The following CDC14A variants were observed in gnomAD, a reference collection of about 807,000 sequenced individuals.
The protein encoded by CDC14A is cell division cycle 14A, also known as dual specificity protein phosphatase CDC14A.
Under a neutral mutation model 74.4 loss-of-function variants are expected in CDC14A, and 53 were observed. The ratio of observed to expected loss-of-function variants is 0.71; its 90% CI spans 0.57 to 0.89. The LOEUF (loss-of-function observed/expected upper bound fraction) is 0.89. Among genes scored for constraint, CDC14A ranks in the 40% least tolerant of loss-of-function variants. The probability of loss-of-function intolerance (pLI) is 0.00; values close to 1 mark genes in which losing one functional copy is unlikely to be tolerated. For synonymous variants in CDC14A, 247 were observed against 258.4 expected (o/e 0.96, Z 0.43); for missense variants, 646 against 713.7 (o/e 0.91, Z 1.08).
At chr1:100,467,693 C>A (rs1667988693) in intron 9 of CDC14A, among the ~76,000 whole-genome samples, 1 of 152,192 alleles carries the variant, frequency 6.6e-6, no homozygotes, top group African/African-American at 2.4e-5. Context: ...GGCTTTTCCA[C>A]TCCAGCCAGT....
intron 4 of CDC14A, among the ~76,000 whole-genome samples, chr1:100,416,207 G>A (rs1168399936): frequency 1.3e-5 from 2 of 152,136 alleles, no homozygotes; most frequent in African/African-American, 4.8e-5. Flanking sequence ...GACTTGTGTG[G>A]TTCATTCTTT....
At chr1:100,493,138 T>G (rs1433752086) in intron 11 of CDC14A, among the ~76,000 whole-genome samples, 1 of 152,162 alleles carries the variant, frequency 6.6e-6, no homozygotes, top group African/African-American at 2.4e-5. Flanking sequence ...ATATTTAGAA[T>G]TTTGAAGGTG....
intron 11 of CDC14A, among the ~76,000 whole-genome samples, chr1:100,490,801 T>C (rs571476446): frequency 1.3e-5 from 2 of 152,262 alleles, no homozygotes; most frequent in East Asian, 3.9e-4. Context: ...CATAAAAAAA[T>C]TCTACTTCCC....
intron 4 of CDC14A, chr1:100,393,589 T>G: frequency 1.4e-6 from 1 of 708,098 alleles, no homozygotes; most frequent in Admixed American, 1.8e-5. Flanking sequence ...TATCTGCGAG[T>G]TTACTTCTCC....
chr1:100,370,288 GT>G (rs778173442), intron 2 of CDC14A, among the ~76,000 whole-genome samples: 95 of 143,156 alleles, frequency 6.6e-4, no homozygotes, highest in East Asian at 5.5e-3. Context: ...CCAGCCTAAA[GT>G]TTTTTTTTTT....
At chr1:100,470,456 GA>G (rs965511145) in intron 10 of CDC14A, among the ~76,000 whole-genome samples, 12 of 149,752 alleles carry the variant, frequency 8.0e-5, no homozygotes, top group South Asian at 2.1e-4. Context: ...AAAAAAGAAA[GA>G]AAAAAAAACT....
intron 9 of CDC14A, among the ~76,000 whole-genome samples, chr1:100,466,871 CAA>C (rs11382441): frequency 9.2e-5 from 8 of 87,284 alleles, no homozygotes; most frequent in Admixed American, 1.2e-4. Flanking sequence ...ACTCGGTCTC[CAA>C]AAAAAAAAAA....
intron 5 of CDC14A, among the ~76,000 whole-genome samples, chr1:100,433,887 A>G (rs1231919384): frequency 6.6e-6 from 1 of 152,198 alleles, no homozygotes; most frequent in Non-Finnish European, 1.5e-5. Flanking sequence ...TTGGGCTCTC[A>G]AAATTTCTGA....
At chr1:100,385,804 G>T (rs900409935) in intron 3 of CDC14A, among the ~76,000 whole-genome samples, 1 of 152,174 alleles carries the variant, frequency 6.6e-6, no homozygotes, top group South Asian at 2.1e-4. Flanking sequence ...TTGGATAATG[G>T]TGGAATGTCA....
chr1:100,393,363 TC>T, intron 4 of CDC14A: 1 of 896,564 alleles, frequency 1.1e-6, no homozygotes. Context: ...TGCTTGATGC[TC>T]TAACTAGGCC....
intron 4 of CDC14A, among the ~76,000 whole-genome samples, chr1:100,416,721 G>A (rs1243640212): frequency 6.6e-6 from 1 of 152,086 alleles, no homozygotes; most frequent in Non-Finnish European, 1.5e-5. Flanking sequence ...CCTTTTTGTT[G>A]TCCCTTGCTG....
chr1:100,421,453 A>G (rs1291992834), intron 4 of CDC14A, among the ~76,000 whole-genome samples: 2 of 152,210 alleles, frequency 1.3e-5, no homozygotes, highest in Non-Finnish European at 2.9e-5. Context: ...CATTTAAAAA[A>G]CAGATTTGTG....
intron 3 of CDC14A, among the ~76,000 whole-genome samples, chr1:100,389,740 T>C (rs1657421824): frequency 6.6e-6 from 1 of 152,144 alleles, no homozygotes; most frequent in Admixed American, 6.5e-5. Context: ...TTGTAGTCAA[T>C]GTATAAGATA....
At chr1:100,420,493 C>G (rs1391968235) in intron 4 of CDC14A, among the ~76,000 whole-genome samples, 1 of 151,930 alleles carries the variant, frequency 6.6e-6, no homozygotes, top group Non-Finnish European at 1.5e-5. Context: ...GTCTGGTGTT[C>G]CTCTATAAAA....
At chr1:100,452,355 C>A (rs1571225898) in intron 7 of CDC14A, among the ~76,000 whole-genome samples, 1 of 152,024 alleles carries the variant, frequency 6.6e-6, no homozygotes, top group South Asian at 2.1e-4. Context: ...ACTAAAAATA[C>A]AAAAAAATTA....
At chr1:100,518,133 G>T in intron 15 of CDC14A, 118 bp from the exon 16 acceptor site, 1 of 670,724 alleles carries the variant, frequency 1.5e-6, no homozygotes, top group Non-Finnish European at 2.6e-6. Flanking sequence ...TTCTGTTTTG[G>T]CTTAGTTTAT....
chr1:100,369,170 G>C (rs1654075256), intron 2 of CDC14A, among the ~76,000 whole-genome samples: 1 of 151,316 alleles, frequency 6.6e-6, no homozygotes, highest in South Asian at 2.1e-4. Context: ...TCCGCCTCCT[G>C]GGTTCAAGCA....
intron 15 of CDC14A, among the ~76,000 whole-genome samples, chr1:100,504,344 TCTC>T (rs1649049913): frequency 1.3e-5 from 2 of 152,198 alleles, no homozygotes. Flanking sequence ...TTTCCTTTCT[TCTC>T]CATTCAGTTG....
intron 5 of CDC14A, among the ~76,000 whole-genome samples, chr1:100,437,192 A>G (rs2101116895): frequency 6.6e-6 from 1 of 152,310 alleles, no homozygotes; most frequent in East Asian, 1.9e-4. Flanking sequence ...TTTCAAAGAA[A>G]AAAAAATCTC....
Sources: gnomAD v4.1 joint callset for allele counts (sites outside exome capture counted in the v4.1 genomes callset) on GRCh38, gnomAD v4.1.1 for gene constraint, MANE v1.5 for transcripts, NCBI Gene and HGNC (gene_info 2026-07-23, HGNC 2026-07-21) for gene names.